The following AGAP1 variants were observed in gnomAD, a reference collection of about 807,000 sequenced individuals.
AGAP1 encodes the protein arf-GAP with GTPase, ANK repeat and PH domain-containing protein 1.
AGAP1 carries 29 observed loss-of-function variants against 105.3 expected under a neutral mutation model. That is an observed-to-expected ratio of 0.28 (90% CI 0.21 to 0.38). The LOEUF (loss-of-function observed/expected upper bound fraction) is 0.38, where lower values mean the gene tolerates loss of function less well. AGAP1 is among the 10% of genes least tolerant of loss of function. The pLI, the probability that AGAP1 is intolerant of heterozygous loss-of-function variation, is 1.00. For synonymous variants in AGAP1, 509 were observed against 485.9 expected (o/e 1.05, Z -0.63); for missense variants, 998 against 1,165.1 (o/e 0.86, Z 2.09).
chr2:235,561,069 G>A lies in AGAP1; in HGVS notation c.163+66220G>A, dbSNP rs558282764. On this transcript the variant is annotated intron_variant, in intron 1 of 17. Transcript: ENST00000304032. ...TGCCTGGTTGTTTGGGCCATGCACA[G>A]AAGGCTTGTGGCAGGAGCCTAGGGT... Among the ~76,000 whole-genome samples the A allele has an allele frequency of 1.1e-4, 17 of 152,334 alleles. No individual in the cohort carries two copies. In the South Asian group the frequency reaches 3.5e-3, roughly 32 times the overall value.
chr2:235,776,302 C>T (rs1955856888), intron 6 of AGAP1, among the ~76,000 whole-genome samples: 1 of 152,254 alleles, frequency 6.6e-6, no homozygotes, highest in South Asian at 2.1e-4. Flanking sequence ...CAGCCTCTCT[C>T]CCCCTACCTA....
chr2:235,681,349 G>A lies in AGAP1; in HGVS notation c.164-27830G>A, dbSNP rs182868144. Among the ~76,000 whole-genome samples the A allele has an allele frequency of 6.0e-4, 91 of 152,214 alleles. No homozygotes were observed. In the Middle Eastern group the frequency reaches 0.02, roughly 34 times the overall value. On this transcript the variant is annotated intron_variant, in intron 1 of 17. Coordinates refer to ENST00000304032, the MANE Select transcript of AGAP1 (RefSeq NM_001037131.3). ...ACACACTCTATGACCCTTCTTACGC[G>A]CCTCCCGAGGAGGAAGCATGCACTA...
intron 6 of AGAP1, chr2:235,775,779 A>AT (rs1467416401): frequency 2.6e-5 from 4 of 152,200 alleles, no homozygotes; most frequent in Non-Finnish European, 5.9e-5. Context: ...TAATCAAAAC[A>AT]TTGATTAATA....
intron 8 of AGAP1, among the ~76,000 whole-genome samples, chr2:235,804,112 G>C (rs1957718926): frequency 6.6e-6 from 1 of 152,174 alleles, no homozygotes; most frequent in Admixed American, 6.5e-5. Flanking sequence ...AAAAGTTGCA[G>C]CTCCTTCCAT....
chr2:235,640,430 A>G (rs1947152360), intron 1 of AGAP1, among the ~76,000 whole-genome samples: 1 of 152,168 alleles, frequency 6.6e-6, no homozygotes, highest in Non-Finnish European at 1.5e-5. Context: ...AAAAGAAGGA[A>G]GCATGCATTA....
rs761990454 is a variant in AGAP1, at chr2:236,051,117, G to A, written c.2114+1836G>A. On this transcript the variant is annotated intron_variant, in intron 16 of 17. Coordinates refer to ENST00000304032, the MANE Select transcript of AGAP1 (RefSeq NM_001037131.3). The surrounding 1 kb of genome is among the most constrained non-coding windows in gnomAD (Gnocchi z 5.9). ...CACTGGCTTTCCTAAAGAGCAGGCC[G>A]AGTTGTAATTCCTCTCCAAGACTGT... Among the ~76,000 whole-genome samples, 2 of 152,214 alleles carry A rather than the reference G, an allele frequency of 1.3e-5. No individual in the cohort carries two copies. The highest frequency in any genetic ancestry group is 2.4e-5 in the African/African-American group (1 of 41,454).
chr2:235,967,145 G>A lies in AGAP1; in HGVS notation c.1484-1317G>A, dbSNP rs528861657. 3.3e-5 allele frequency among the ~76,000 whole-genome samples: 5 copies of A among 151,860 alleles called. No homozygotes were observed. The highest frequency in any genetic ancestry group is 2.1e-4 in the South Asian group (1 of 4,806). On this transcript the variant is annotated intron_variant, in intron 12 of 17. Coordinates refer to ENST00000304032, the MANE Select transcript of AGAP1 (RefSeq NM_001037131.3). The surrounding 1 kb of genome is among the most constrained non-coding windows in gnomAD (Gnocchi z 4.7). ...TCCGCAGGCCTCTCCCACCCACACC[G>A]GCCACCGCCACTCGGGCCCCCTCTC...
At chr2:235,637,446 T>G (rs1437951752) in intron 1 of AGAP1, among the ~76,000 whole-genome samples, 1 of 148,504 alleles carries the variant, frequency 6.7e-6, no homozygotes, top group Non-Finnish European at 1.5e-5. Flanking sequence ...CTAATTGTAT[T>G]ATTATTTTTT....
At chr2:235,494,876 C>T (rs1178313302) in intron 1 of AGAP1, 27 bp downstream of exon 1, 2 of 1,545,426 alleles carry the variant, frequency 1.3e-6, no homozygotes, top group Non-Finnish European at 8.7e-7. Context: ...CTTGGGGCCT[C>T]GGGAAGGCAC....
chr2:235,522,258 A>C (rs535613359), intron 1 of AGAP1, among the ~76,000 whole-genome samples: 73 of 152,240 alleles, frequency 4.8e-4, no homozygotes, highest in Non-Finnish European at 9.1e-4. Context: ...GACTGGTGAG[A>C]ATGTCACGTC....
chr2:235,521,734 T>TTG (rs562790524), intron 1 of AGAP1, among the ~76,000 whole-genome samples: 3 of 25,582 alleles, frequency 1.2e-4, no homozygotes, highest in African/African-American at 5.1e-4. Context: ...TTTTTGTTTG[T>TTG]TATATATATG....
In AGAP1 at chr2:235,788,414, G is replaced by A. The variant is rs981784838; in HGVS notation, c.674-9345G>A. On this transcript the variant is annotated intron_variant, in intron 6 of 17. Coordinates refer to ENST00000304032, the MANE Select transcript of AGAP1 (RefSeq NM_001037131.3). This position sits in a 1 kb window ranked among gnomAD's most constrained non-coding sequence, Gnocchi z 6.0. ...ATGGTGTGGTGCGGATCTTGGATGA[G>A]GTTAGCTGAGTTTGAAAACTGGAGA... is the stretch of plus-strand genomic sequence containing the variant. Among the ~76,000 whole-genome samples, 4 of 152,064 alleles carry A rather than the reference G, an allele frequency of 2.6e-5. No individual in the cohort carries two copies. The highest frequency in any genetic ancestry group is 9.7e-5 in the African/African-American group (4 of 41,418).
chr2:235,506,081 C>T (rs1270332755), intron 1 of AGAP1, among the ~76,000 whole-genome samples: 3 of 151,852 alleles, frequency 2.0e-5, no homozygotes, highest in African/African-American at 7.3e-5. Flanking sequence ...CAGGCATGCA[C>T]CACCACACCC....
rs2149654152 is a variant in AGAP1, at chr2:235,739,478, G to C, written c.311-1485G>C. On this transcript the variant is annotated intron_variant, in intron 3 of 17. Coordinates refer to ENST00000304032, the MANE Select transcript of AGAP1 (RefSeq NM_001037131.3). This position sits in a 1 kb window ranked among gnomAD's most constrained non-coding sequence, Gnocchi z 5.3. ...GTCCCCTGCTAACGGGCCTCAGCCT[G>C]ACCATTTCCAGTGGGCCCTACCGTC... Among the ~76,000 whole-genome samples the C allele has an allele frequency of 6.6e-6, 1 of 152,358 alleles. No homozygotes were observed. Among genetic ancestry groups the C allele is most frequent in the South Asian group, 2.1e-4 (1 of 4,832 alleles).
intron 16 of AGAP1, among the ~76,000 whole-genome samples, chr2:236,097,816 C>G (rs1461492506): frequency 6.6e-6 from 1 of 152,126 alleles, no homozygotes; most frequent in East Asian, 1.9e-4. Context: ...CTATTAAATA[C>G]AAACTCCCAC....
intron 13 of AGAP1, 100 bp downstream of exon 13, chr2:235,968,723 C>A: frequency 2.4e-6 from 3 of 1,244,382 alleles, no homozygotes; most frequent in East Asian, 2.6e-5. Context: ...ACAACAAATG[C>A]ACAGTAATGC....
intron 1 of AGAP1, among the ~76,000 whole-genome samples, chr2:235,504,330 T>G (rs1331214982): frequency 6.6e-6 from 1 of 152,170 alleles, no homozygotes; most frequent in African/African-American, 2.4e-5. Flanking sequence ...GATATGTGCT[T>G]GAGTGGTTGC....
At chr2:235,969,682 C>T (rs941007940) in intron 13 of AGAP1, among the ~76,000 whole-genome samples, 4 of 152,186 alleles carry the variant, frequency 2.6e-5, no homozygotes, top group African/African-American at 9.7e-5. Flanking sequence ...AGCACGCAAA[C>T]CCACGGTGCG....
chr2:235,577,005 C>A lies in AGAP1; in HGVS notation c.163+82156C>A, dbSNP rs1314011299. On this transcript the variant is annotated intron_variant, in intron 1 of 17. Coordinates refer to ENST00000304032, the MANE Select transcript of AGAP1 (RefSeq NM_001037131.3). The surrounding 1 kb of genome is among the most constrained non-coding windows in gnomAD (Gnocchi z 4.5). Reference sequence around the variant, plus strand: ...CACAGGTATCCATCTTCCCTCCATACCCCAAATGCCAAACTCTACCTCTGC... The same window carrying A: ...CACAGGTATCCATCTTCCCTCCATAACCCAAATGCCAAACTCTACCTCTGC... Among the ~76,000 whole-genome samples, 1 of 152,194 alleles carries A rather than the reference C, an allele frequency of 6.6e-6. No homozygotes were observed. The highest frequency in any genetic ancestry group is 1.5e-5 in the Non-Finnish European group (1 of 68,038).
Sources: allele counts gnomAD v4.1 joint callset (sites outside exome capture counted in the v4.1 genomes callset), GRCh38; gene constraint gnomAD v4.1.1; non-coding constraint Gnocchi (gnomAD v3.1); transcripts MANE v1.5; gene names NCBI Gene and HGNC (gene_info 2026-07-23, HGNC 2026-07-21).